ABLIM2: variants seen among roughly 807,000 people sequenced by gnomAD.
ABLIM2 encodes the protein actin-binding LIM protein 2.
A neutral mutation model predicts 97.7 loss-of-function variants in ABLIM2; 53 were observed. The observed-to-expected ratio is 0.54, with a 90% CI of 0.44 to 0.68. ABLIM2 has a LOEUF of 0.68. ABLIM2 is among the 30% of genes least tolerant of loss of function. The probability of loss-of-function intolerance (pLI) is 0.00; values close to 1 mark genes in which losing one functional copy is unlikely to be tolerated. For synonymous variants in ABLIM2, 361 were observed against 345.8 expected (o/e 1.04, Z -0.49); for missense variants, 835 against 867.2 (o/e 0.96, Z 0.47).
At position 7,992,223 on chromosome 4, in the gene ABLIM2, C is replaced by A. The variant is rs1344532126; in HGVS notation, c.1680+643G>T. Among the ~76,000 whole-genome samples, 1 of 152,118 alleles carries A rather than the reference C, an allele frequency of 6.6e-6. No homozygotes were observed. The highest frequency in any genetic ancestry group is 1.5e-5 in the Non-Finnish European group (1 of 68,018). The stretch of plus-strand genomic sequence containing the variant: ...GCGTTCACTGTCCTGGGGCACAGGG[C>A]CTGGCCCCTCTGCAAGGCAATCAGC... On this transcript the variant is annotated intron_variant, in intron 17 of 20. Coordinates refer to ENST00000447017, the MANE Select transcript of ABLIM2 (RefSeq NM_001130083.2). The surrounding 1 kb of genome is among the most constrained non-coding windows in gnomAD (Gnocchi z 5.7).
intron 6 of ABLIM2, among the ~76,000 whole-genome samples, chr4:8,062,293 G>A (rs948827087): frequency 2.0e-5 from 3 of 152,192 alleles, no homozygotes; most frequent in Admixed American, 6.5e-5. Context: ...CGCAGGGCCT[G>A]GCACCTGGGC....
intron 5 of ABLIM2, among the ~76,000 whole-genome samples, chr4:8,078,583 G>A (rs895341005): frequency 5.9e-5 from 9 of 152,210 alleles, no homozygotes; most frequent in Non-Finnish European, 1.2e-4. Context: ...GCAGATGTGG[G>A]GACAGCAGGT....
At chr4:8,026,284 G>A (rs779020295) in intron 12 of ABLIM2, among the ~76,000 whole-genome samples, 9 of 152,218 alleles carry the variant, frequency 5.9e-5, no homozygotes, top group Non-Finnish European at 1.2e-4. Flanking sequence ...TTACAGGTAT[G>A]AGCCATTGCA....
chr4:8,088,327 C>A, intron 3 of ABLIM2, 43 bp from the exon 4 acceptor site: 1 of 1,548,040 alleles, frequency 6.5e-7, no homozygotes, highest in South Asian at 1.2e-5. Context: ...CACCTTCTGG[C>A]TCCTCTCTGG....
chr4:8,089,953 G>A (rs1036684201), intron 3 of ABLIM2, among the ~76,000 whole-genome samples: 4 of 152,166 alleles, frequency 2.6e-5, no homozygotes, highest in Non-Finnish European at 2.9e-5. Context: ...CCCTGAAGCT[G>A]GAGACCACCG....
rs757845782 is a variant in ABLIM2, at chr4:8,005,272, TC to T, written c.1618+2786del. 1.5e-5 allele frequency: 8 copies of T among 523,052 alleles called. No individual in the cohort carries two copies. The highest frequency in any genetic ancestry group is 1.2e-4 in the Admixed American group (6 of 51,466). The allele number at this position is 523,052 out of a possible 1,614,324, so 32.4% of individuals were successfully genotyped here. A position where few individuals can be genotyped will look rare whatever the true frequency, so the allele number is the denominator to read the frequency against. On this transcript the variant is annotated intron_variant, in intron 16 of 20. Coordinates refer to ENST00000447017, the MANE Select transcript of ABLIM2 (RefSeq NM_001130083.2). The surrounding 1 kb of genome is among the most constrained non-coding windows in gnomAD (Gnocchi z 4.9). ...TCAGGGGCTGCTCTTGTCTTCTCTG[TC>T]CCCCTCGGCGCCCCGCTCAGCGTCT... is the stretch of plus-strand genomic sequence containing the variant.
At chr4:7,984,251 G>A (rs992754571) in intron 18 of ABLIM2, among the ~76,000 whole-genome samples, 2 of 152,180 alleles carry the variant, frequency 1.3e-5, no homozygotes, top group African/African-American at 4.8e-5. Context: ...CCCGGGGACT[G>A]AAGGCCACTT....
chr4:8,046,541 C>T lies in ABLIM2; in HGVS notation c.823-1300G>A, dbSNP rs1171939091. Among the ~76,000 whole-genome samples, 1 of 152,164 alleles carries T rather than the reference C, an allele frequency of 6.6e-6. No individual in the cohort carries two copies. Among genetic ancestry groups the T allele is most frequent in the East Asian group, 1.9e-4 (1 of 5,190 alleles). On this transcript the variant is annotated intron_variant, in intron 8 of 20. Transcript: ENST00000447017. The surrounding 1 kb of genome is among the most constrained non-coding windows in gnomAD (Gnocchi z 4.4). ...GTCCTCTGCTGCTTCGATGGTTTCC[C>T]ACCCCGACCACAGCCCCCACTGCAG...
Position 8,025,406 on chromosome 4 carries a change from C to T in ABLIM2, c.1267+2353G>A, listed in dbSNP as rs576744059. Among the ~76,000 whole-genome samples, 21 of 151,948 alleles carry T rather than the reference C, an allele frequency of 1.4e-4. No homozygotes were observed. In the East Asian group the frequency reaches 2.1e-3, roughly 15 times the overall value. On this transcript the variant is annotated intron_variant, in intron 12 of 20. Coordinates refer to ENST00000447017, the MANE Select transcript of ABLIM2 (RefSeq NM_001130083.2). ...TGTGGCATAGACGGCTTCGGAGCCACATTGTGGTGGGGGGTGGTGGGTAGG... is the reference window on the plus strand; with the variant it reads ...TGTGGCATAGACGGCTTCGGAGCCATATTGTGGTGGGGGGTGGTGGGTAGG...
chr4:8,052,254 G>A (rs1403772944), intron 8 of ABLIM2, among the ~76,000 whole-genome samples: 1 of 152,156 alleles, frequency 6.6e-6, no homozygotes, highest in Non-Finnish European at 1.5e-5. Flanking sequence ...CCTCACTCAG[G>A]TCCCTTCCAC....
chr4:7,990,987 G>C (rs950917115), intron 17 of ABLIM2, among the ~76,000 whole-genome samples: 3 of 152,228 alleles, frequency 2.0e-5, no homozygotes, highest in African/African-American at 7.2e-5. Context: ...GCGCATATCA[G>C]CTCTCCAAGC....
intron 8 of ABLIM2, among the ~76,000 whole-genome samples, chr4:8,050,742 G>A (rs975865971): frequency 1.1e-3 from 107 of 93,214 alleles, no homozygotes; most frequent in African/African-American, 2.1e-4. Context: ...CAGGCCCTCC[G>A]GACAGTTAGC....
rs1295158669 is a variant in ABLIM2, at chr4:8,019,269, C to G, written c.1423+349G>C. On this transcript the variant is annotated intron_variant, in intron 14 of 20. Transcript: ENST00000447017. This position sits in a 1 kb window ranked among gnomAD's most constrained non-coding sequence, Gnocchi z 4.3. ...CTGGATCAGATTGTGGTTCTAGGAG[C>G]CTCTGTCCCTCACCATCTTGGCTAA... Among the ~76,000 whole-genome samples the G allele has an allele frequency of 1.3e-5, 2 of 152,180 alleles. No individual in the cohort carries two copies. The highest frequency in any genetic ancestry group is 2.9e-5 in the Non-Finnish European group (2 of 68,036).
Position 8,112,664 on chromosome 4 carries a change from G to A in ABLIM2, c.11-6027C>T, listed in dbSNP as rs986613702. 1.3e-5 allele frequency among the ~76,000 whole-genome samples: 2 copies of A among 152,136 alleles called. No individual in the cohort carries two copies. The highest frequency in any genetic ancestry group is 2.9e-5 in the Non-Finnish European group (2 of 68,040). On this transcript the variant is annotated intron_variant, in intron 1 of 20. Coordinates refer to ENST00000447017, the MANE Select transcript of ABLIM2 (RefSeq NM_001130083.2). This position sits in a 1 kb window ranked among gnomAD's most constrained non-coding sequence, Gnocchi z 4.2. ...ACAGTAAATACAGTGTAGGCCCCAG[G>A]GACACCACAGTGAACACAACAGCCA...
At position 8,019,612 on chromosome 4, in the gene ABLIM2, C is replaced by T; in HGVS notation, c.1423+6G>A. The T allele has an allele frequency of 6.2e-7, 1 of 1,608,812 alleles. No individual in the cohort carries two copies. The highest frequency in any genetic ancestry group is 2.2e-5 in the East Asian group (1 of 44,706). ...AACCACAGCAGCGGGAGGAATCCAA[C>T]CGTACCATGCTGTCTGTAGATAGGG... On this transcript the variant is annotated splice_donor_region_variant and intron_variant, in intron 14 of 20. Coordinates refer to ENST00000447017, the MANE Select transcript of ABLIM2 (RefSeq NM_001130083.2). This position sits in a 1 kb window ranked among gnomAD's most constrained non-coding sequence, Gnocchi z 4.3.
intron 20 of ABLIM2, among the ~76,000 whole-genome samples, chr4:7,974,896 G>C (rs924997269): frequency 3.3e-5 from 5 of 152,216 alleles, no homozygotes; most frequent in African/African-American, 1.2e-4. Context: ...TCTGTACTGG[G>C]AAGTTGGGGA....
chr4:8,082,437 G>A lies in ABLIM2; in HGVS notation c.455-1635C>T, dbSNP rs899347301. Among the ~76,000 whole-genome samples, 2 of 152,200 alleles carry A rather than the reference G, an allele frequency of 1.3e-5. No individual in the cohort carries two copies. Among genetic ancestry groups the A allele is most frequent in the Non-Finnish European group, 1.5e-5 (1 of 68,038 alleles). On this transcript the variant is annotated intron_variant, in intron 4 of 20. Transcript: ENST00000447017. This position sits in a 1 kb window ranked among gnomAD's most constrained non-coding sequence, Gnocchi z 5.6. ...GCATCCCGGGTGAACAGTGAGCATC[G>A]GCGAGACCCCCTGTGGGCCTGCTGT...
intron 17 of ABLIM2, chr4:7,989,566 T>A: frequency 2.7e-6 from 1 of 366,656 alleles, no homozygotes; most frequent in Non-Finnish European, 3.8e-6. Flanking sequence ...TAATTCCTTT[T>A]AATCTTAACT....
rs1195362016 is a variant in ABLIM2, at chr4:8,140,499, G to C, written c.10+18181C>G. 6.6e-6 allele frequency among the ~76,000 whole-genome samples: 1 copy of C among 152,118 alleles called. No homozygotes were observed. Among genetic ancestry groups the C allele is most frequent in the African/African-American group, 2.4e-5 (1 of 41,426 alleles). On this transcript the variant is annotated intron_variant, in intron 1 of 20. Coordinates refer to ENST00000447017, the MANE Select transcript of ABLIM2 (RefSeq NM_001130083.2). This position sits in a 1 kb window ranked among gnomAD's most constrained non-coding sequence, Gnocchi z 5.9. ...ACCTGGCGGGGAGCATGGGGGAAAG[G>C]GGGCAGTGACACGGGGGCCTTGCCT...
Sources: gnomAD v4.1 joint callset for allele counts (sites outside exome capture counted in the v4.1 genomes callset) on GRCh38, gnomAD v4.1.1 for gene constraint, Gnocchi (gnomAD v3.1) non-coding constraint, MANE v1.5 for transcripts, NCBI Gene and HGNC (gene_info 2026-07-23, HGNC 2026-07-21) for gene names.